Variants in MAP1LC3B observed in about 807,000 individuals in gnomAD.
The protein encoded by MAP1LC3B is microtubule-associated protein 1 light chain 3 beta.
In MAP1LC3B, 12 loss-of-function variants were observed where a neutral mutation model predicts 16.7. The observed-to-expected ratio is 0.72, with a 90% CI of 0.46 to 1.16. The LOEUF (loss-of-function observed/expected upper bound fraction) is 1.16, where lower values mean the gene tolerates loss of function less well. Among genes scored for constraint, MAP1LC3B ranks in the 50% most tolerant of loss-of-function variants. The probability of loss-of-function intolerance (pLI) is 0.00; values close to 1 mark genes in which losing one functional copy is unlikely to be tolerated. For missense variants in MAP1LC3B, 155 were observed against 159.5 expected, an observed-to-expected ratio of 0.97 and a Z score of 0.15; for synonymous variants, 63 against 56.5, an observed-to-expected ratio of 1.11 and a Z score of -0.51.
Position 87,398,854 on chromosome 16 carries a change from A to G in MAP1LC3B, c.80A>G (p.His27Arg), listed in dbSNP as rs756997154. The G allele has an allele frequency of 2.5e-6, 4 of 1,614,168 alleles. No individual in the cohort carries two copies. The highest frequency in any genetic ancestry group is 3.4e-6 in the Non-Finnish European group (4 of 1,179,980). The change falls in exon 2 of 4, where the codon CAT becomes CGT. Residue 27 changes from histidine (H) to arginine (R), a missense_variant. His to Arg is a conservative substitution (Grantham distance 29). Coordinates refer to ENST00000268607, the MANE Select transcript of MAP1LC3B (RefSeq NM_022818.5). ...GATGTCCGACTTATTCGAGAGCAGC[A>G]TCCAACCAAAATCCCGGTAGGTAGT... ...VEDVRLIREQ[H>R]PTKIPVIIER...
Position 87,402,279 on chromosome 16 carries a change from T to C in MAP1LC3B, c.201T>C (p.Ile67=), listed in dbSNP as rs753708018. ...ACATGAGTGAGCTCATCAAGATAAT[T>C]AGGTATTCAGTCACCTTTGTTTCAT... The part of the protein sequence containing the change: ...HVNMSELIKI[I]RRRLQLNANQ... The change falls in exon 3 of 4, where the codon ATT becomes ATC. Residue 67 remains isoleucine (I), a splice_region_variant and synonymous_variant. Transcript: ENST00000268607. The C allele has an allele frequency of 6.2e-7, 1 of 1,613,256 alleles. No individual in the cohort carries two copies.
At position 87,397,565 on chromosome 16, in the gene MAP1LC3B, C is replaced by G. The variant is rs147084112; in HGVS notation, c.41-1250C>G. ...CCCAGGAGGCGGAGCTTGCAGTGAGCGGAGATTGCAGCACTGCACTCCAGC... is the reference window on the plus strand; with the variant it reads ...CCCAGGAGGCGGAGCTTGCAGTGAGGGGAGATTGCAGCACTGCACTCCAGC... On this transcript the variant is annotated intron_variant, in intron 1 of 3. Coordinates refer to ENST00000268607, the MANE Select transcript of MAP1LC3B (RefSeq NM_022818.5). 4.5e-3 allele frequency among the ~76,000 whole-genome samples: 683 copies of G among 152,236 alleles called. 7 individuals are homozygous for G. Among genetic ancestry groups the G allele is most frequent in the African/African-American group, 0.016 (660 of 41,544 alleles).
chr16:87,395,535 G>C (rs1907768243), intron 1 of MAP1LC3B, among the ~76,000 whole-genome samples: 1 of 152,290 alleles, frequency 6.6e-6, no homozygotes, highest in South Asian at 2.1e-4. Flanking sequence ...TATACTGTTA[G>C]CCTCTAAAAC....
At chr16:87,397,778 T>C (rs1462229189) in intron 1 of MAP1LC3B, among the ~76,000 whole-genome samples, 1 of 152,156 alleles carries the variant, frequency 6.6e-6, no homozygotes, top group East Asian at 1.9e-4. Context: ...AATCCTACCA[T>C]AGTAAATCAA....
intron 1 of MAP1LC3B, among the ~76,000 whole-genome samples, chr16:87,395,587 C>T (rs192506974): frequency 6.6e-6 from 1 of 152,266 alleles, no homozygotes; most frequent in East Asian, 1.9e-4. Context: ...CCGTGTGTAC[C>T]GTGTACAGCC....
At chr16:87,401,537 TTTTA>T (rs749787497) in intron 2 of MAP1LC3B, among the ~76,000 whole-genome samples, 23 of 152,336 alleles carry the variant, frequency 1.5e-4, no homozygotes, top group African/African-American at 5.3e-4. Flanking sequence ...TTGATGACTA[TTTTA>T]TTTATTTATT....
intron 2 of MAP1LC3B, chr16:87,399,411 A>C (rs1464265892): frequency 6.3e-6 from 2 of 315,880 alleles, no homozygotes; most frequent in Non-Finnish European, 1.3e-5. Flanking sequence ...ATCACACTTC[A>C]GAACGTGTCC....
intron 1 of MAP1LC3B, among the ~76,000 whole-genome samples, chr16:87,394,201 C>A (rs1907719271): frequency 6.6e-6 from 1 of 151,714 alleles, no homozygotes; most frequent in South Asian, 2.1e-4. Flanking sequence ...CTTTAAATAT[C>A]TCTTTAATAG....
chr16:87,394,809 A>T (rs561522719), intron 1 of MAP1LC3B, among the ~76,000 whole-genome samples: 1 of 146,010 alleles, frequency 6.8e-6, no homozygotes, highest in East Asian at 2.0e-4. Context: ...ATGGTGGCTC[A>T]CACCTGTAAT....
At chr16:87,396,787 A>G (rs1907822818) in intron 1 of MAP1LC3B, 1 of 152,170 alleles carries the variant, frequency 6.6e-6, no homozygotes, top group African/African-American at 2.4e-5. Context: ...CCACTAGGTT[A>G]ATTTTACTGT....
At position 87,392,356 on chromosome 16, in the gene MAP1LC3B, A is replaced by T; in HGVS notation, c.-72A>T. On this transcript the variant is annotated 5_prime_UTR_variant, in exon 1 of 4. Coordinates refer to ENST00000268607, the MANE Select transcript of MAP1LC3B (RefSeq NM_022818.5). Reference sequence around the variant, plus strand: ...TCGCCAGAGTCGGATTCGCCGCCGCAGCAGCCGCCGCCCCCGGGAGCCGCC... The same window carrying T: ...TCGCCAGAGTCGGATTCGCCGCCGCTGCAGCCGCCGCCCCCGGGAGCCGCC... 7 of 1,348,416 alleles carry T rather than the reference A, an allele frequency of 5.2e-6. No homozygotes were observed. In the South Asian group the frequency reaches 8.3e-5, roughly 16 times the overall value. 83.5% of individuals were successfully genotyped at this position (1,348,416 alleles called of 1,614,324 possible).
At chr16:87,393,925 C>T (rs896086454) in intron 1 of MAP1LC3B, among the ~76,000 whole-genome samples, 1 of 152,124 alleles carries the variant, frequency 6.6e-6, no homozygotes, top group Non-Finnish European at 1.5e-5. Flanking sequence ...GAGAGATGCC[C>T]TTTTTCTCAT....
At chr16:87,398,373 T>C (rs1488570042) in intron 1 of MAP1LC3B, among the ~76,000 whole-genome samples, 2 of 152,144 alleles carry the variant, frequency 1.3e-5, no homozygotes, top group South Asian at 2.1e-4. Flanking sequence ...AAGCTGGAAG[T>C]GATAAGGGAA....
At chr16:87,402,316 T>TA (rs1376430888) in intron 3 of MAP1LC3B, 35 bp downstream of exon 3, 2 of 1,566,342 alleles carry the variant, frequency 1.3e-6, no homozygotes, top group Non-Finnish European at 1.8e-6. Flanking sequence ...ATATATTTCC[T>TA]TTGAGTAACT....
At chr16:87,392,548 A>G (rs2150707957) in intron 1 of MAP1LC3B, 81 bp downstream of exon 1, 1 of 1,185,558 alleles carries the variant, frequency 8.4e-7, no homozygotes, top group Admixed American at 4.5e-5. Context: ...GGACGCCGTG[A>G]GGGGTCGGGG....
chr16:87,398,790 C>T, intron 1 of MAP1LC3B, 25 bp from the exon 2 acceptor site: 2 of 1,612,542 alleles, frequency 1.2e-6, no homozygotes, highest in South Asian at 1.1e-5. Context: ...CTTAGTAATG[C>T]TTCTGTCTCT....
At chr16:87,399,120 C>G (rs1331965182) in intron 2 of MAP1LC3B, 1 of 496,348 alleles carries the variant, frequency 2.0e-6, no homozygotes, top group Non-Finnish European at 3.7e-6. Context: ...AGTCCTCCCT[C>G]CTCAGCCTCC....
intron 1 of MAP1LC3B, 45 bp from the exon 2 acceptor site, chr16:87,398,770 C>T (rs1254965591): frequency 6.3e-7 from 1 of 1,579,400 alleles, no homozygotes; most frequent in South Asian, 1.1e-5. Flanking sequence ...TGGGAAGAAG[C>T]TGCCTGGCCC....
chr16:87,394,279 T>TA (rs11403697), intron 1 of MAP1LC3B, among the ~76,000 whole-genome samples: 118,606 of 149,810 alleles, frequency 0.79, 51,941 homozygotes, highest in East Asian at 1. Flanking sequence ...TTTTGGTAAT[T>TA]AAAAAAAAAA....
Sources: allele counts gnomAD v4.1 joint callset (sites outside exome capture counted in the v4.1 genomes callset), GRCh38; gene constraint gnomAD v4.1.1; transcripts MANE v1.5; gene names NCBI Gene and HGNC (gene_info 2026-07-23, HGNC 2026-07-21).